The following PTPRN2 variants were observed in gnomAD, a reference collection of about 807,000 sequenced individuals.
The protein encoded by PTPRN2 is protein tyrosine phosphatase receptor type N2.
Under a neutral mutation model 118.8 loss-of-function variants are expected in PTPRN2, and 74 were observed. The ratio of observed to expected loss-of-function variants is 0.62; its 90% confidence interval spans 0.52 to 0.76. The LOEUF (loss-of-function observed/expected upper bound fraction) is 0.76, where lower values mean the gene tolerates loss of function less well. Among genes scored for constraint, PTPRN2 ranks in the 30% least tolerant of loss-of-function variants. PTPRN2 has a pLI of 0.00. For missense variants in PTPRN2, 1,481 were observed against 1,394.4 expected, an observed-to-expected ratio of 1.06 and a Z score of -0.99; for synonymous variants, 641 against 608.0, an observed-to-expected ratio of 1.05 and a Z score of -0.80.
At chr7:157,846,491 GGCGT>G (rs775641763) in intron 12 of PTPRN2, among the ~76,000 whole-genome samples, 10 of 151,670 alleles carry the variant, frequency 6.6e-5, no homozygotes, top group Non-Finnish European at 1.3e-4. Context: ...GCTGCTGTGG[GGCGT>G]CCCCACAATT....
intron 2 of PTPRN2, among the ~76,000 whole-genome samples, chr7:158,365,865 A>C (rs2151304100): frequency 9.1e-5 from 4 of 43,824 alleles, no homozygotes; most frequent in Non-Finnish European, 2.1e-4. Context: ...CACACACAGC[A>C]TCCCTGGGAG....
At chr7:157,579,837 C>G (rs1334387929) in intron 17 of PTPRN2, among the ~76,000 whole-genome samples, 1 of 152,168 alleles carries the variant, frequency 6.6e-6, no homozygotes, top group East Asian at 1.9e-4. Context: ...AAATAGGCAG[C>G]CCAATTGGGT....
At chr7:157,904,945 G>T (rs1797688018) in intron 11 of PTPRN2, among the ~76,000 whole-genome samples, 1 of 152,128 alleles carries the variant, frequency 6.6e-6, no homozygotes, top group Non-Finnish European at 1.5e-5. Context: ...CCGGCATCCT[G>T]TGGGTCTCAG....
chr7:157,930,094 C>G (rs1330640994), intron 11 of PTPRN2, among the ~76,000 whole-genome samples: 1 of 152,152 alleles, frequency 6.6e-6, no homozygotes, highest in Non-Finnish European at 1.5e-5. Context: ...ATCACAAATG[C>G]AATTTATAGT....
At chr7:158,232,472 A>G (rs967470393) in intron 3 of PTPRN2, among the ~76,000 whole-genome samples, 1 of 152,158 alleles carries the variant, frequency 6.6e-6, no homozygotes, top group African/African-American at 2.4e-5. Context: ...ACCATCAAAG[A>G]AAAGCCCAGG....
intron 3 of PTPRN2, among the ~76,000 whole-genome samples, chr7:158,263,923 G>A (rs117803869): frequency 1.2e-3 from 187 of 152,310 alleles, no homozygotes; most frequent in African/African-American, 1.6e-3. Context: ...GAACACCCGC[G>A]TCACTCAGCA....
chr7:157,620,862 C>T (rs1803133546), intron 15 of PTPRN2, among the ~76,000 whole-genome samples: 1 of 152,148 alleles, frequency 6.6e-6, no homozygotes, highest in Non-Finnish European at 1.5e-5. Context: ...GGGCTGTTTC[C>T]CCCGCCTGTA....
chr7:158,353,157 G>A (rs1000967586), intron 2 of PTPRN2, among the ~76,000 whole-genome samples: 2 of 152,208 alleles, frequency 1.3e-5, no homozygotes, highest in Admixed American at 6.5e-5. Flanking sequence ...TGCCCACTGG[G>A]AGCACCCCCT....
chr7:158,091,977 G>A (rs1814209439), intron 10 of PTPRN2, among the ~76,000 whole-genome samples: 1 of 119,920 alleles, frequency 8.3e-6, no homozygotes, highest in African/African-American at 3.3e-5. Flanking sequence ...TAGAGAGATG[G>A]TTGGTTGGGT....
intron 12 of PTPRN2, among the ~76,000 whole-genome samples, chr7:157,706,916 G>A (rs1348084199): frequency 3.3e-5 from 5 of 150,742 alleles, no homozygotes; most frequent in African/African-American, 7.3e-5. Context: ...CCAGAATGCC[G>A]GGAACTGAGC....
chr7:158,128,142 A>C (rs141842237), intron 9 of PTPRN2, among the ~76,000 whole-genome samples: 26 of 152,320 alleles, frequency 1.7e-4, no homozygotes, highest in African/African-American at 6.3e-4. Context: ...AAAGAATGCC[A>C]TCTGTGTCTT....
chr7:157,941,545 C>G lies in PTPRN2; in HGVS notation c.1724-42808G>C, dbSNP rs80231487. Among the ~76,000 whole-genome samples, 1,399 of 152,206 alleles carry G rather than the reference C, an allele frequency of 9.2e-3. 21 individuals carry two copies. Among genetic ancestry groups the G allele is most frequent in the African/African-American group, 0.032 (1,319 of 41,508 alleles). ...ACTGCAAGCGATTCTTCAGTAGACC[C>G]AGGTCTCTGGGTACTTGAAACCAGA... On this transcript the variant is annotated intron_variant, in intron 11 of 22. Coordinates refer to ENST00000389418, the MANE Select transcript of PTPRN2 (RefSeq NM_002847.5).
intron 2 of PTPRN2, among the ~76,000 whole-genome samples, chr7:158,364,162 C>CGTATTCAGGTAAGTGTGACCAAGA (rs1809242764): frequency 6.6e-6 from 1 of 151,340 alleles, no homozygotes; most frequent in African/African-American, 2.4e-5. Flanking sequence ...ATCCTCACTT[C>CGTATTCAGGTAAGTGTGACCAAGA]ATCTGCCTCT....
rs112019252 is a variant in PTPRN2 at position 157,733,094 on chromosome 7, C to T, written c.1789-50157G>A. Reference sequence around the variant, plus strand: ...AGCACAGTTACTCTTCCGTCCCATGCGCCCAGCACAGTTACTCTTTCCCGT... The same window carrying T: ...AGCACAGTTACTCTTCCGTCCCATGTGCCCAGCACAGTTACTCTTTCCCGT... On this transcript the variant is annotated intron_variant, in intron 12 of 22. Coordinates refer to ENST00000389418, the MANE Select transcript of PTPRN2 (RefSeq NM_002847.5). Among the ~76,000 whole-genome samples the T allele has an allele frequency of 4.9e-5, 2 of 40,790 alleles. 1 individual carries two copies. Among genetic ancestry groups the T allele is most frequent in the Non-Finnish European group, 9.6e-5 (2 of 20,914 alleles). 26.8% of individuals were successfully genotyped at this position (40,790 alleles called of 152,430 possible).
intron 12 of PTPRN2, among the ~76,000 whole-genome samples, chr7:157,719,997 A>G (rs184374166): frequency 4.6e-4 from 70 of 152,342 alleles, no homozygotes; most frequent in Admixed American, 3.2e-3. Flanking sequence ...TCTCAGACTC[A>G]TCACCCACTG....
At chr7:158,239,576 C>G (rs193176518) in intron 3 of PTPRN2, among the ~76,000 whole-genome samples, 1 of 152,330 alleles carries the variant, frequency 6.6e-6, no homozygotes, top group Admixed American at 6.5e-5. Flanking sequence ...TGCATCCCTG[C>G]GGCCCCTGCC....
At chr7:158,252,194 G>C (rs1796728607) in intron 3 of PTPRN2, among the ~76,000 whole-genome samples, 1 of 152,186 alleles carries the variant, frequency 6.6e-6, no homozygotes, top group African/African-American at 2.4e-5. Context: ...GAACGCGAGA[G>C]CACTTGAGCA....
At chr7:158,184,749 G>T (rs754939519) in intron 5 of PTPRN2, among the ~76,000 whole-genome samples, 1 of 152,050 alleles carries the variant, frequency 6.6e-6, no homozygotes, top group Admixed American at 6.5e-5. Flanking sequence ...GAGGCAGAGG[G>T]TTGCAGTGAG....
At chr7:157,701,820 G>T (rs1354026678) in intron 12 of PTPRN2, among the ~76,000 whole-genome samples, 1 of 150,876 alleles carries the variant, frequency 6.6e-6, no homozygotes, top group Non-Finnish European at 1.5e-5. Flanking sequence ...TGTAACTGAC[G>T]CGGGCTGTGC....
Sources: gnomAD v4.1 joint callset for allele counts (sites outside exome capture counted in the v4.1 genomes callset) on GRCh38, gnomAD v4.1.1 for gene constraint, MANE v1.5 for transcripts, NCBI Gene and HGNC (gene_info 2026-07-23, HGNC 2026-07-21) for gene names.